SAMM50: variants seen among roughly 807,000 people sequenced by gnomAD.
SAMM50 encodes the protein sorting and assembly machinery component 50 homolog.
In SAMM50, 47 loss-of-function variants were observed where a neutral mutation model predicts 66.9. The observed-to-expected ratio is 0.70, with a 90% CI of 0.56 to 0.90. The LOEUF is 0.90. Among genes scored for constraint, SAMM50 ranks in the 40% least tolerant of loss-of-function variants. The pLI is 0.00. For synonymous variants in SAMM50, 191 were observed against 214.1 expected, an observed-to-expected ratio of 0.89 and a Z score of 0.94; for missense variants, 535 against 595.3, an observed-to-expected ratio of 0.90 and a Z score of 1.05.
chr22:43,963,181 C>T, intron 1 of SAMM50, 105 bp from the exon 2 acceptor site: 1 of 673,202 alleles, frequency 1.5e-6, no homozygotes, highest in South Asian at 2.2e-5. Context: ...TTGAAGGGAA[C>T]AACTACTGAA....
chr22:43,982,616 T>G (rs1290913807), intron 11 of SAMM50, among the ~76,000 whole-genome samples: 1 of 152,120 alleles, frequency 6.6e-6, no homozygotes, highest in African/African-American at 2.4e-5. Flanking sequence ...AATGTGTGAT[T>G]TATCGTTTCT....
intron 1 of SAMM50, among the ~76,000 whole-genome samples, chr22:43,957,503 A>G (rs1244961645): frequency 2.6e-5 from 4 of 151,994 alleles, no homozygotes; most frequent in Non-Finnish European, 5.9e-5. Flanking sequence ...ACTCACTGCA[A>G]CCTCCGCCTC....
At chr22:43,958,780 G>C (rs2050133192) in intron 1 of SAMM50, among the ~76,000 whole-genome samples, 1 of 152,044 alleles carries the variant, frequency 6.6e-6, no homozygotes, top group African/African-American at 2.4e-5. Context: ...CCTAGCCTGT[G>C]GAGCTCTTTT....
chr22:43,957,676 G>A (rs951649459), intron 1 of SAMM50, among the ~76,000 whole-genome samples: 10 of 152,082 alleles, frequency 6.6e-5, no homozygotes, highest in African/African-American at 2.2e-4. Context: ...ATCCCGCCTC[G>A]GCCTCCCAAA....
intron 1 of SAMM50, among the ~76,000 whole-genome samples, chr22:43,959,974 T>C (rs1350106081): frequency 6.6e-6 from 1 of 152,178 alleles, no homozygotes; most frequent in East Asian, 1.9e-4. Flanking sequence ...AATGGTGTCA[T>C]CTCTTGAAGT....
At chr22:43,955,961 G>T (rs926428080) in intron 1 of SAMM50, among the ~76,000 whole-genome samples, 3 of 152,222 alleles carry the variant, frequency 2.0e-5, no homozygotes, top group African/African-American at 7.2e-5. Flanking sequence ...CTCAGCCGCT[G>T]CTGGAGCCAT....
intron 7 of SAMM50, among the ~76,000 whole-genome samples, chr22:43,974,356 C>T (rs1293644637): frequency 6.6e-6 from 1 of 152,206 alleles, no homozygotes. Context: ...GCAAATGACT[C>T]ATCTGTGAAA....
In SAMM50 at chr22:43,989,210, G is replaced by T. The variant is rs750708573; in HGVS notation, c.1175G>T (p.Arg392Leu). The T allele has an allele frequency of 3.7e-6, 6 of 1,614,098 alleles. No homozygotes were observed. The Admixed American group carries it at 6.7e-5, about 18-fold the overall frequency. The change falls in exon 13 of 15, where the codon CGA (arginine) becomes CTA (leucine). Residue 392 changes from arginine (R) to leucine (L), a missense_variant. Arg to Leu is a moderately radical substitution (Grantham distance 102, BLOSUM62 -2). Coordinates refer to ENST00000350028, the MANE Select transcript of SAMM50 (RefSeq NM_015380.5). ...CAGGGTGGCTTTGGAGAACTTTTCC[G>T]AACACACTTCTTTCTCAACGCAGGA... ...PGQGGFGELF[R>L]THFFLNAGNL...
chr22:43,967,014 G>T (rs1252467468), intron 3 of SAMM50, among the ~76,000 whole-genome samples: 1 of 152,162 alleles, frequency 6.6e-6, no homozygotes, highest in African/African-American at 2.4e-5. Flanking sequence ...TCTTGCGCTT[G>T]CCTCTTCCCT....
intron 9 of SAMM50, among the ~76,000 whole-genome samples, chr22:43,977,225 C>T (rs1019643068): frequency 1.3e-5 from 2 of 152,206 alleles, no homozygotes; most frequent in Non-Finnish European, 2.9e-5. Context: ...CTTAGAGGAG[C>T]GTGCTTCTCT....
chr22:43,967,474 C>A (rs2050179336), intron 3 of SAMM50, among the ~76,000 whole-genome samples: 1 of 152,220 alleles, frequency 6.6e-6, no homozygotes, highest in South Asian at 2.1e-4. Context: ...TCTTCTCATG[C>A]ACTCTACCTA....
intron 4 of SAMM50, among the ~76,000 whole-genome samples, chr22:43,971,507 C>A (rs1024232877): frequency 1.3e-5 from 2 of 152,190 alleles, no homozygotes; most frequent in African/African-American, 4.8e-5. Flanking sequence ...TCACACTTAT[C>A]TTCGAGGGTT....
chr22:43,973,321 A>G lies in SAMM50; in HGVS notation c.646A>G (p.Ser216Gly). The change falls in exon 7 of 15, where the codon AGT becomes GGT. Residue 216 changes from serine (S) to glycine (G), a missense_variant and splice_region_variant. Physicochemically the swap from Ser to Gly is moderately conservative, Grantham distance 56. Coordinates refer to ENST00000350028, the MANE Select transcript of SAMM50 (RefSeq NM_015380.5). ...GGACAGAGGAATGTCAGCTGAGTACAGTGTGAGTAGCATTTCAGTCCTTCC... is the reference window on the plus strand; with the variant it reads ...GGACAGAGGAATGTCAGCTGAGTACGGTGTGAGTAGCATTTCAGTCCTTCC... ...ETDRGMSAEY[S>G]FPIWKTSHTV... is the part of the protein sequence containing the mutation. 1 of 1,573,466 alleles carries G rather than the reference A, an allele frequency of 6.4e-7. No homozygotes were observed. The highest frequency in any genetic ancestry group is 8.7e-7 in the Non-Finnish European group (1 of 1,143,034).
Position 43,968,618 on chromosome 22 carries a change from G to GT in SAMM50, c.235-112dup, listed in dbSNP as rs1313207511. The GT allele has an allele frequency of 4.0e-6, 3 of 745,648 alleles. No individual in the cohort carries two copies. The African/African-American group carries it at 5.1e-5, about 13-fold the overall frequency. 46.2% of individuals were successfully genotyped at this position (745,648 alleles called of 1,614,324 possible). A position where few individuals can be genotyped will look rare whatever the true frequency, so the allele number is the denominator to read the frequency against. On this transcript the variant is annotated intron_variant, in intron 3 of 14. Coordinates refer to ENST00000350028, the MANE Select transcript of SAMM50 (RefSeq NM_015380.5). ...TGGTCTTGGTAGTGCTCTCTGCTCA[G>GT]TGATCTGACTTAGCACCGAATGGTA...
chr22:43,987,189 G>A (rs1250797322), intron 12 of SAMM50: 1 of 152,158 alleles, frequency 6.6e-6, no homozygotes, highest in Non-Finnish European at 1.5e-5. Context: ...TTTTGTGAAA[G>A]TGGTTTGATG....
At chr22:43,961,444 A>G (rs1409445592) in intron 1 of SAMM50, among the ~76,000 whole-genome samples, 2 of 152,170 alleles carry the variant, frequency 1.3e-5, no homozygotes, top group Non-Finnish European at 1.5e-5. Flanking sequence ...CAATGTATAC[A>G]TAAGTATATT....
At position 43,963,915 on chromosome 22, in the gene SAMM50, A is replaced by C. The variant is rs552997372; in HGVS notation, c.132+519A>C. ...TTTTGTTTTGTTTTTTTTATTTTTA[A>C]AATTTTTTTTGAGATGAAGTCTCAC... On this transcript the variant is annotated intron_variant, in intron 2 of 14. Transcript: ENST00000350028. Among the ~76,000 whole-genome samples, 4 of 151,560 alleles carry C rather than the reference A, an allele frequency of 2.6e-5. No individual in the cohort carries two copies. The East Asian group carries it at 7.7e-4, about 29-fold the overall frequency.
Position 43,993,676 on chromosome 22 carries a change from C to T in SAMM50, c.1365-2662C>T, listed in dbSNP as rs377008466. Among the ~76,000 whole-genome samples the T allele has an allele frequency of 4.6e-5, 7 of 152,292 alleles. No individual in the cohort carries two copies. In the East Asian group the frequency reaches 5.8e-4, roughly 13 times the overall value. On this transcript the variant is annotated intron_variant, in intron 14 of 14. Transcript: ENST00000350028. ...GCACCCCGAGTGTGGAAGACATTTT[C>T]GCTCAGTGTGAGGCCTTGTTTGAGG... is the stretch of plus-strand genomic sequence containing the variant.
At chr22:43,958,750 T>G (rs2050133013) in intron 1 of SAMM50, among the ~76,000 whole-genome samples, 2 of 152,186 alleles carry the variant, frequency 1.3e-5, no homozygotes, top group Admixed American at 1.3e-4. Context: ...GTGCGGGGAT[T>G]ACAGGCATGA....
Sources: allele counts gnomAD v4.1 joint callset (sites outside exome capture counted in the v4.1 genomes callset), GRCh38; gene constraint gnomAD v4.1.1; transcripts MANE v1.5; gene names NCBI Gene and HGNC (gene_info 2026-07-23, HGNC 2026-07-21).